SNORC: variants seen among roughly 807,000 people sequenced by gnomAD.
SNORC encodes the protein secondary ossification center associated regulator of chondrocyte maturation.
Under a neutral mutation model 9.7 loss-of-function variants are expected in SNORC, and 11 were observed. The observed-to-expected ratio is 1.14, with a 90% CI of 0.72 to 1.88. The LOEUF is 1.88. SNORC is among the 40% of genes most tolerant of loss of function. SNORC has a pLI of 0.00. For synonymous variants in SNORC, 108 were observed against 88.7 expected, an observed-to-expected ratio of 1.22 and a Z score of -1.22; for missense variants, 197 against 173.1, an observed-to-expected ratio of 1.14 and a Z score of -0.77.
upstream of SNORC, chr2:232,869,896 A>G: frequency 3.6e-6 from 1 of 276,222 alleles, no homozygotes; most frequent in South Asian, 3.6e-5. Flanking sequence ...CACAGGCACT[A>G]ACATGCAGAT....
At chr2:232,871,868 A>G (rs1691037895) in intron 1 of SNORC, among the ~76,000 whole-genome samples, 1 of 151,572 alleles carries the variant, frequency 6.6e-6, no homozygotes, top group Non-Finnish European at 1.5e-5. Flanking sequence ...CCAGGTTCCT[A>G]CTCCTGTGTG....
chr2:232,870,159 T>C (rs1330088722), upstream of SNORC: 2 of 606,624 alleles, frequency 3.3e-6, no homozygotes, highest in Non-Finnish European at 2.9e-6. Flanking sequence ...TGAGCTCTTG[T>C]GTGTGTGTGT....
chr2:232,873,345 C>T (rs1691100942), intron 1 of SNORC, among the ~76,000 whole-genome samples: 1 of 151,830 alleles, frequency 6.6e-6, no homozygotes, highest in Non-Finnish European at 1.5e-5. Flanking sequence ...GTGGGCGCAG[C>T]AGAGACAGGC....
chr2:232,873,833 T>G (rs1018323984), intron 1 of SNORC, among the ~76,000 whole-genome samples: 4 of 152,194 alleles, frequency 2.6e-5, no homozygotes, highest in Non-Finnish European at 4.4e-5. Flanking sequence ...CTTCCCCTCC[T>G]CTCAGGGTGG....
At chr2:232,874,311 A>C (rs2106192818) in intron 1 of SNORC, among the ~76,000 whole-genome samples, 1 of 152,312 alleles carries the variant, frequency 6.6e-6, no homozygotes, top group African/African-American at 2.4e-5. Context: ...CCTAAGAACA[A>C]GGACATTCTC....
chr2:232,876,261 G>A lies in SNORC; in HGVS notation c.271G>A (p.Gly91Ser), dbSNP rs768601308. The A allele has an allele frequency of 4.6e-6, 7 of 1,514,612 alleles. No individual in the cohort carries two copies. Among genetic ancestry groups the A allele is most frequent in the Non-Finnish European group, 6.2e-6 (7 of 1,136,888 alleles). 93.8% of individuals were successfully genotyped at this position (1,514,612 alleles called of 1,614,324 possible). Reference sequence around the variant, plus strand: ...GTCCTCCGCAGGGTCGCTGGGGCCCGGCGCTATCGCGGCCATCGTGATCGC... The same window carrying A: ...GTCCTCCGCAGGGTCGCTGGGGCCCAGCGCTATCGCGGCCATCGTGATCGC... Residue 91 changes from glycine to serine, a missense_variant, in exon 3 of 3, where the codon GGC (glycine) becomes AGC (serine). By Grantham distance (56) the Gly-to-Ser change is moderately conservative (BLOSUM62 0). Coordinates refer to ENST00000331342, the Ensembl canonical transcript of SNORC. The surrounding 1 kb of genome is among the most constrained non-coding windows in gnomAD (Gnocchi z 6.8).
chr2:232,878,043 G>C (rs1691342026), downstream of SNORC: 1 of 152,238 alleles, frequency 6.6e-6, no homozygotes, highest in African/African-American at 2.4e-5. Context: ...CCCTCACTGG[G>C]ACCAGGGGGC....
downstream of SNORC, chr2:232,877,904 C>T (rs988201538): frequency 6.6e-6 from 1 of 152,306 alleles, no homozygotes; most frequent in Non-Finnish European, 1.5e-5. Context: ...TGTTTCCCAT[C>T]CTCAAAAGGC....
At chr2:232,876,566 C>T, downstream of SNORC, 2 of 1,166,786 alleles carry the variant, frequency 1.7e-6, no homozygotes, top group African/African-American at 1.6e-5. The surrounding 1 kb of genome is among the most constrained non-coding windows in gnomAD (Gnocchi z 6.8). Context: ...CCCGCAGGGG[C>T]GCCGGGGCGT....
rs762301057 is a variant in SNORC at position 232,876,330 on chromosome 2, G to T, written c.340G>T (p.Ala114Ser). The change falls in exon 3 of 3, where the codon GCG becomes TCG. Residue 114 changes from alanine (A) to serine (S), a missense_variant. Ala to Ser is a moderately conservative substitution (Grantham distance 99). Transcript: ENST00000331342. This position sits in a 1 kb window ranked among gnomAD's most constrained non-coding sequence, Gnocchi z 6.8. The stretch of plus-strand genomic sequence containing the variant: ...CGTGGTGCTGGCGCTCGTGGTCGTC[G>T]CGCTGAGAAAGTTTTCTGCCTCCTG... 6 of 1,546,512 alleles carry T rather than the reference G, an allele frequency of 3.9e-6. No homozygotes were observed. The African/African-American group carries it at 5.6e-5, about 15-fold the overall frequency.
chr2:232,871,176 G>C (rs1350868521), intron 1 of SNORC, among the ~76,000 whole-genome samples: 2 of 152,212 alleles, frequency 1.3e-5, no homozygotes, highest in Non-Finnish European at 1.5e-5. Context: ...CCTGCAGCCT[G>C]GGTCTTCTGG....
At chr2:232,871,079 G>C (rs905001333) in intron 1 of SNORC, among the ~76,000 whole-genome samples, 2 of 152,200 alleles carry the variant, frequency 1.3e-5, no homozygotes, top group Non-Finnish European at 2.9e-5. Flanking sequence ...GGGCGCAGAC[G>C]GGTTACAGGT....
Position 232,871,219 on chromosome 2 carries a change from C to T in SNORC, c.73+805C>T, listed in dbSNP as rs139820678. Among the ~76,000 whole-genome samples, 23 of 152,150 alleles carry T rather than the reference C, an allele frequency of 1.5e-4. No individual in the cohort carries two copies. The South Asian group carries it at 3.1e-3, about 21-fold the overall frequency. Reference sequence around the variant, plus strand: ...CCGTGGATCTGTGAGAAAGGTGGACCGCAGTCATGAGAGCATGGCCTGGGG... The same window carrying T: ...CCGTGGATCTGTGAGAAAGGTGGACTGCAGTCATGAGAGCATGGCCTGGGG... On this transcript the variant is annotated intron_variant, in intron 1 of 2. Coordinates refer to ENST00000331342, the Ensembl canonical transcript of SNORC.
Position 232,876,143 on chromosome 2 carries a change from G to A in SNORC, c.256+21G>A. 1 of 1,477,088 alleles carries A rather than the reference G, an allele frequency of 6.8e-7. No individual in the cohort carries two copies. Among genetic ancestry groups the A allele is most frequent in the Non-Finnish European group, 8.9e-7 (1 of 1,119,182 alleles). The allele number at this position is 1,477,088 out of a possible 1,614,324, so 91.5% of individuals were successfully genotyped here. On this transcript the variant is annotated intron_variant, in intron 2 of 2. Transcript: ENST00000331342. The surrounding 1 kb of genome is among the most constrained non-coding windows in gnomAD (Gnocchi z 6.8). ...CGGCGGTACGGGCGGGGCGGGGGAG[G>A]GAGGGGAGAGGGAGAAATTAGGAGG...
downstream of SNORC, chr2:232,878,465 C>G (rs991718926): frequency 6.5e-6 from 1 of 154,018 alleles, no homozygotes; most frequent in South Asian, 2.1e-4. Context: ...AGGGGCGTCC[C>G]CAGCTCCGTC....
chr2:232,876,308 G>C lies in SNORC; in HGVS notation c.318G>C (p.Val106=). 1 of 1,548,262 alleles carries C rather than the reference G, an allele frequency of 6.5e-7. No homozygotes were observed. The highest frequency in any genetic ancestry group is 1.2e-5 in the South Asian group (1 of 84,714). The change falls in exon 3 of 3, where the codon GTG becomes GTC. Residue 106 remains valine (V), a synonymous_variant. Transcript: ENST00000331342. The surrounding 1 kb of genome is among the most constrained non-coding windows in gnomAD (Gnocchi z 6.8). The stretch of plus-strand genomic sequence containing the variant: ...TCGCCGCCCTGCTGGCCACCTGCGT[G>C]GTGCTGGCGCTCGTGGTCGTCGCGC...
upstream of SNORC, among the ~76,000 whole-genome samples, chr2:232,868,673 A>C (rs1303797359): frequency 1.3e-5 from 2 of 152,168 alleles, no homozygotes; most frequent in Non-Finnish European, 2.9e-5. Flanking sequence ...TTCCTTTCTT[A>C]CTAAGCCATT....
intron 1 of SNORC, among the ~76,000 whole-genome samples, chr2:232,872,606 C>T (rs2106190597): frequency 6.6e-6 from 1 of 152,290 alleles, no homozygotes; most frequent in Middle Eastern, 3.4e-3. Flanking sequence ...TTCTTGGGGT[C>T]CTCCGTGCCC....
upstream of SNORC, among the ~76,000 whole-genome samples, chr2:232,866,776 C>T (rs13012585): frequency 0.17 from 25,184 of 152,020 alleles, 2,618 homozygotes; most frequent in Non-Finnish European, 0.22. Flanking sequence ...TGCAGTGGTG[C>T]GATCTCAGCT....
Sources: allele counts gnomAD v4.1 joint callset (sites outside exome capture counted in the v4.1 genomes callset), GRCh38; gene constraint gnomAD v4.1.1; non-coding constraint Gnocchi (gnomAD v3.1); transcripts MANE v1.5; gene names NCBI Gene and HGNC (gene_info 2026-07-23, HGNC 2026-07-21).